RBMX2: variants seen among roughly 807,000 people sequenced by gnomAD.
RBMX2 encodes the protein RNA binding motif protein X-linked 2, also known as RNA-binding motif protein, X-linked 2.
For missense variants in RBMX2, 191 were observed against 256.0 expected (o/e 0.75, Z 1.73); for synonymous variants, 77 against 94.3 (o/e 0.82, Z 1.07).
Position 130,407,673 on chromosome X carries a change from T to G in RBMX2, c.174-1584T>G, listed in dbSNP as rs901063710. ...TTTTTCTAATGTTTTTTCTTTTTTT[T>G]TTTTTGAAACAGGGTCTCTCTTGCT... On this transcript the variant is annotated intron_variant, in intron 3 of 5. Coordinates refer to ENST00000305536, the MANE Select transcript of RBMX2 (RefSeq NM_016024.4). Among the ~76,000 whole-genome samples the G allele has an allele frequency of 3.6e-5, 4 of 109,880 alleles. No homozygotes were observed. In the Admixed American group the frequency reaches 3.9e-4, roughly 11 times the overall value.
At position 130,411,408 on chromosome X, in the gene RBMX2, G is replaced by A. The variant is rs2034511666; in HGVS notation, c.364G>A (p.Glu122Lys). 8.3e-7 allele frequency: 1 copy of A among 1,207,271 alleles called. No individual in the cohort carries two copies. The highest frequency in any genetic ancestry group is 1.8e-5 in the South Asian group (1 of 56,074). ...TAACTATCGGGCTCCTAAGGACTCA[G>A]AAGAAATAGATGATGTGACCAGACA... Reference protein sequence around the residue: ...VSNYRAPKDSEEIDDVTRQLQ... With the variant: ...VSNYRAPKDSKEIDDVTRQLQ... Residue 122 changes from glutamate (E) to lysine (K), a missense_variant, in exon 5 of 6, where the codon GAA becomes AAA. Glu to Lys is a moderately conservative substitution (Grantham distance 56). Coordinates refer to ENST00000305536, the MANE Select transcript of RBMX2 (RefSeq NM_016024.4).
chrX:130,402,225 A>ACCCAGCCCC, intron 1 of RBMX2, 30 bp from the exon 2 acceptor site: 3 of 984,790 alleles, frequency 3.0e-6, no homozygotes, highest in African/African-American at 2.0e-5. Flanking sequence ...TTTTCTGCCT[A>ACCCAGCCCC]CCCTCCCCAC....
rs769910206 is a variant in RBMX2 at position 130,412,632 on chromosome X, C to T, written c.753C>T (p.His251=). The T allele has an allele frequency of 3.3e-6, 4 of 1,209,198 alleles. No homozygotes were observed. The highest frequency in any genetic ancestry group is 4.5e-6 in the Non-Finnish European group (4 of 894,884). The change falls in exon 6 of 6, where the codon CAC becomes CAT. Residue 251 remains histidine (H), a synonymous_variant. Coordinates refer to ENST00000305536, the MANE Select transcript of RBMX2 (RefSeq NM_016024.4). ...AGAAGGAGAAACCCAAGCACGAGCACAAGTCCTCAAGCAGGAGGGAGGCAA... is the reference window on the plus strand; with the variant it reads ...AGAAGGAGAAACCCAAGCACGAGCATAAGTCCTCAAGCAGGAGGGAGGCAA... The part of the protein sequence containing the change: ...ELKKEKPKHE[H]KSSSRREARE...
chrX:130,402,224 T>TAGCCAA, intron 1 of RBMX2, 31 bp from the exon 2 acceptor site: 5 of 1,174,325 alleles, frequency 4.3e-6, no homozygotes, highest in African/African-American at 1.8e-5. Context: ...CTTTTCTGCC[T>TAGCCAA]ACCCTCCCCA....
At position 130,407,684 on chromosome X, in the gene RBMX2, A is replaced by T. The variant is rs1472803809; in HGVS notation, c.174-1573A>T. ...TTTTTTCTTTTTTTTTTTTTGAAAC[A>T]GGGTCTCTCTTGCTCAGGTTTGGAG... On this transcript the variant is annotated intron_variant, in intron 3 of 5. Transcript: ENST00000305536. Among the ~76,000 whole-genome samples the T allele has an allele frequency of 3.7e-5, 4 of 106,748 alleles. No individual in the cohort carries two copies. In the Admixed American group the frequency reaches 4.1e-4, roughly 11 times the overall value. The allele number at this position is 106,748 out of a possible 115,157, so 92.7% of individuals were successfully genotyped here. A position where few individuals can be genotyped will look rare whatever the true frequency, so the allele number is the denominator to read the frequency against.
At chrX:130,404,991 G>A (rs2034476739) in intron 3 of RBMX2, among the ~76,000 whole-genome samples, 1 of 112,644 alleles carries the variant, frequency 8.9e-6, no homozygotes, top group African/African-American at 3.2e-5. Flanking sequence ...ACGTGTGCAT[G>A]TTTGTTTATT....
intron 3 of RBMX2, among the ~76,000 whole-genome samples, chrX:130,406,840 C>T (rs750816261): frequency 7.3e-5 from 8 of 110,010 alleles, no homozygotes; most frequent in Non-Finnish European, 1.5e-4. Context: ...AATTTTATAC[C>T]CTCAATATTT....
intron 2 of RBMX2, 61 bp from the exon 3 acceptor site, chrX:130,403,741 G>A (rs941940186): frequency 1.3e-5 from 14 of 1,051,365 alleles, no homozygotes; most frequent in Middle Eastern, 2.7e-4. Flanking sequence ...GGCCTAGTGC[G>A]TGGTATGTAG....
intron 1 of RBMX2, 26 bp from the exon 2 acceptor site, chrX:130,402,229 T>TAC: frequency 6.9e-6 from 5 of 722,998 alleles, no homozygotes; most frequent in Non-Finnish European, 9.6e-6. Flanking sequence ...CTGCCTACCC[T>TAC]CCCCACCCCC....
At chrX:130,408,123 G>A (rs1415883604) in intron 3 of RBMX2, among the ~76,000 whole-genome samples, 1 of 108,752 alleles carries the variant, frequency 9.2e-6, no homozygotes, top group Non-Finnish European at 1.9e-5. Context: ...GAGCCACCAT[G>A]CCTGGCCTTT....
chrX:130,403,895 A>G, intron 3 of RBMX2, 42 bp downstream of exon 3: 1 of 1,156,834 alleles, frequency 8.6e-7, no homozygotes, highest in South Asian at 1.8e-5. Context: ...TCGACAGAGT[A>G]CTTTGTTTCT....
chrX:130,407,287 C>T (rs951624809), intron 3 of RBMX2, among the ~76,000 whole-genome samples: 1 of 111,517 alleles, frequency 9.0e-6, no homozygotes, highest in Non-Finnish European at 1.9e-5. Context: ...GGGCCTTGCT[C>T]TGACACCCAC....
At position 130,412,348 on chromosome X, in the gene RBMX2, T is replaced by G; in HGVS notation, c.482-13T>G. On this transcript the variant is annotated splice_polypyrimidine_tract_variant and intron_variant, in intron 5 of 5. Transcript: ENST00000305536. ...CCTTTTCTTATTTACTGCTTCTTTC[T>G]TTTATCCTCCAGACAAAAAGGAAAA... The G allele has an allele frequency of 8.9e-7, 1 of 1,127,221 alleles. No homozygotes were observed. Among genetic ancestry groups the G allele is most frequent in the African/African-American group, 1.9e-5 (1 of 53,941 alleles). The allele number at this position is 1,127,221 out of a possible 1,213,427, so 92.9% of individuals were successfully genotyped here.
intron 2 of RBMX2, 47 bp from the exon 3 acceptor site, chrX:130,403,755 A>G (rs2034469157): frequency 8.7e-7 from 1 of 1,152,787 alleles, no homozygotes; most frequent in Non-Finnish European, 1.2e-6. Flanking sequence ...TATGTAGTAA[A>G]CACTTGGTAA....
intron 3 of RBMX2, among the ~76,000 whole-genome samples, chrX:130,408,511 G>A (rs2034496538): frequency 1.8e-5 from 2 of 109,924 alleles, no homozygotes; most frequent in African/African-American, 3.3e-5. Flanking sequence ...ATTTTGCTTC[G>A]TCTTCTCTTT....
In RBMX2 at chrX:130,408,513, C is replaced by T. The variant is rs367794129; in HGVS notation, c.174-744C>T. On this transcript the variant is annotated intron_variant, in intron 3 of 5. Coordinates refer to ENST00000305536, the MANE Select transcript of RBMX2 (RefSeq NM_016024.4). ...TTATTTTTTTTTAATTTTGCTTCGT[C>T]TTCTCTTTCATGCTGTTGTTAGGAG... is the stretch of plus-strand genomic sequence containing the variant. 3.6e-5 allele frequency among the ~76,000 whole-genome samples: 4 copies of T among 111,483 alleles called. No homozygotes were observed. The East Asian group carries it at 1.1e-3, about 31-fold the overall frequency.
At chrX:130,403,727 G>C (rs375810676) in intron 2 of RBMX2, 75 bp from the exon 3 acceptor site, 1 of 956,006 alleles carries the variant, frequency 1.0e-6, no homozygotes, top group East Asian at 3.1e-5. Context: ...CACCCCTAGT[G>C]CCTGGCCTAG....
In RBMX2 at chrX:130,402,274, C is replaced by T; in HGVS notation, c.25C>T (p.Leu9=). 2 of 1,130,836 alleles carry T rather than the reference C, an allele frequency of 1.8e-6. No individual in the cohort carries two copies. The highest frequency in any genetic ancestry group is 2.4e-6 in the Non-Finnish European group (2 of 849,781). 93.2% of individuals were successfully genotyped at this position (1,130,836 alleles called of 1,213,427 possible). A position where few individuals can be genotyped will look rare whatever the true frequency, so the allele number is the denominator to read the frequency against. ...GTGAAGCCCTTTAACTAAGGTGAAG[C>T]TGATCAACGAGCTGAATGAACGAGA... MNPLTKVK[L]INELNEREVQ... The change falls in exon 2 of 6, where the codon CTG becomes TTG. Residue 9 remains leucine (L), a synonymous_variant. Coordinates refer to ENST00000305536, the MANE Select transcript of RBMX2 (RefSeq NM_016024.4).
intron 3 of RBMX2, chrX:130,404,091 G>C: frequency 5.2e-6 from 2 of 381,881 alleles, no homozygotes; most frequent in South Asian, 9.7e-5. Flanking sequence ...GTCTATTTCT[G>C]TTGTTTTTCA....
Sources: allele counts gnomAD v4.1 joint callset (sites outside exome capture counted in the v4.1 genomes callset), GRCh38; gene constraint gnomAD v4.1.1; transcripts MANE v1.5; gene names NCBI Gene and HGNC (gene_info 2026-07-23, HGNC 2026-07-21).